The following TBL1XR1 variants were observed in gnomAD, a reference collection of about 807,000 sequenced individuals.
TBL1XR1 encodes the protein F-box-like/WD repeat-containing protein TBL1XR1.
A neutral mutation model predicts 66.9 loss-of-function variants in TBL1XR1; 5 were observed. The observed-to-expected ratio is 0.07, with a 90% CI of 0.04 to 0.16. The LOEUF (loss-of-function observed/expected upper bound fraction) is 0.16. Ranked by LOEUF, TBL1XR1 falls within the 10% of genes least tolerant of loss-of-function variation. TBL1XR1 has a pLI of 1.00. For synonymous variants in TBL1XR1, 210 were observed against 206.0 expected, an observed-to-expected ratio of 1.02 and a Z score of -0.17; for missense variants, 238 against 623.2, an observed-to-expected ratio of 0.38 and a Z score of 6.58.
chr3:177,050,114 T>G lies in TBL1XR1; in HGVS notation c.585A>C (p.Ile195=). Residue 195 remains isoleucine, a synonymous_variant, in exon 7 of 16, where the codon ATA becomes ATC. Transcript: ENST00000457928. Reference sequence around the variant, plus strand: ...TGGTGCTGTTCTCACTAAGATTCCATATTCTTGCTGTTGAGTCTCCAGACC... The same window carrying G: ...TGGTGCTGTTCTCACTAAGATTCCAGATTCTTGCTGTTGAGTCTCCAGACC... ...ASGSGDSTAR[I]WNLSENSTSG... is the part of the protein sequence containing the mutation. 5 of 1,613,626 alleles carry G rather than the reference T, an allele frequency of 3.1e-6. No individual in the cohort carries two copies. Among genetic ancestry groups the G allele is most frequent in the Non-Finnish European group, 4.2e-6 (5 of 1,179,786 alleles).
Position 177,048,116 on chromosome 3 carries a change from G to A in TBL1XR1, c.703-567C>T, listed in dbSNP as rs528281773. Among the ~76,000 whole-genome samples the A allele has an allele frequency of 2.6e-5, 4 of 152,088 alleles. No homozygotes were observed. In the South Asian group the frequency reaches 8.3e-4, roughly 32 times the overall value. On this transcript the variant is annotated intron_variant, in intron 7 of 15. Transcript: ENST00000457928. ...ACTATGAAATATTTGCCAATAAAAA[G>A]ATCAACAAGGAAAAGAGCCAGAAAA...
At chr3:177,177,886 A>G (rs1320825653) in intron 1 of TBL1XR1, among the ~76,000 whole-genome samples, 2 of 152,118 alleles carry the variant, frequency 1.3e-5, no homozygotes, top group Admixed American at 6.6e-5. Flanking sequence ...AAAAAAAAAA[A>G]CAATGATCAA....
intron 1 of TBL1XR1, among the ~76,000 whole-genome samples, chr3:177,184,953 C>T (rs1735232721): frequency 6.6e-6 from 1 of 152,170 alleles, no homozygotes; most frequent in Non-Finnish European, 1.5e-5. Context: ...AGTTACAGCT[C>T]TTTAAGAACT....
intron 1 of TBL1XR1, among the ~76,000 whole-genome samples, chr3:177,144,593 GA>G (rs1208692791): frequency 5.5e-5 from 8 of 146,652 alleles, no homozygotes; most frequent in Admixed American, 1.4e-4. Flanking sequence ...CTCTACTTTA[GA>G]AAAAAAAAAA....
intron 1 of TBL1XR1, among the ~76,000 whole-genome samples, chr3:177,130,141 T>C (rs1387731732): frequency 3.2e-5 from 2 of 62,842 alleles, no homozygotes; most frequent in Admixed American, 3.5e-4. Flanking sequence ...TGAGACTCCA[T>C]CTCAAAAAAA....
At chr3:177,177,275 C>T (rs899803185) in intron 1 of TBL1XR1, among the ~76,000 whole-genome samples, 1 of 152,026 alleles carries the variant, frequency 6.6e-6, no homozygotes, top group African/African-American at 2.4e-5. Flanking sequence ...CACGGTGAAA[C>T]CCCATCTCTA....
chr3:177,059,023 T>G (rs958574512), intron 3 of TBL1XR1, among the ~76,000 whole-genome samples: 1 of 152,238 alleles, frequency 6.6e-6, no homozygotes, highest in Non-Finnish European at 1.5e-5. Context: ...ATCAAGGTTA[T>G]TCTGTATTTC....
intron 2 of TBL1XR1, among the ~76,000 whole-genome samples, chr3:177,077,772 T>C (rs1004541994): frequency 1.3e-5 from 2 of 152,254 alleles, no homozygotes; most frequent in Non-Finnish European, 2.9e-5. Context: ...CTCTTTATGA[T>C]ACCTATTCAA....
At chr3:177,122,291 A>C (rs1227400403) in intron 1 of TBL1XR1, among the ~76,000 whole-genome samples, 2 of 93,940 alleles carry the variant, frequency 2.1e-5, no homozygotes, top group Admixed American at 1.2e-4. Context: ...AGACAGATAA[A>C]AAAAAAAAAA....
rs546406459 is a variant in TBL1XR1 at position 177,019,953 on chromosome 3, G to A, written c.*5545C>T. On this transcript the variant is annotated 3_prime_UTR_variant, in exon 16 of 16. Transcript: ENST00000457928. Reference sequence around the variant, plus strand: ...TATTTCTGTTTAAGGAAATAAACAGGAAAAATAGAAGACCTAGAGAGTGTA... The same window carrying A: ...TATTTCTGTTTAAGGAAATAAACAGAAAAAATAGAAGACCTAGAGAGTGTA... 5.6e-5 allele frequency: 8 copies of A among 143,780 alleles called. No individual in the cohort carries two copies. Among genetic ancestry groups the A allele is most frequent in the South Asian group, 2.2e-4 (1 of 4,516 alleles). The allele number at this position is 143,780 out of a possible 1,614,324, so 8.9% of individuals were successfully genotyped here.
In TBL1XR1 at chr3:177,019,544, CA is replaced by C. The variant is rs1319524071; in HGVS notation, c.*5953del. On this transcript the variant is annotated 3_prime_UTR_variant, in exon 16 of 16. Transcript: ENST00000457928. ...TTGATGACAAAGCACTTTGGTACAG[CA>C]GAGAAAAGCACCATAAAACTACCAT... 2.0e-5 allele frequency: 3 copies of C among 152,100 alleles called. No homozygotes were observed. Among genetic ancestry groups the C allele is most frequent in the Admixed American group, 2.0e-4 (3 of 15,262 alleles). The allele number at this position is 152,100 out of a possible 1,614,324, so 9.4% of individuals were successfully genotyped here.
Position 177,158,224 on chromosome 3 carries a change from CTTTTCTT to C in TBL1XR1, c.-122+38890_-122+38896del, listed in dbSNP as rs777817340. The stretch of plus-strand genomic sequence containing the variant: ...TCCACTGTAAATATAGGATTTGTTT[CTTTTCTT>C]TTTTTTTTTTTTTTTTAAGACAGTC... On this transcript the variant is annotated intron_variant, in intron 1 of 15. Transcript: ENST00000457928. 1.6e-3 allele frequency among the ~76,000 whole-genome samples: 226 copies of C among 139,686 alleles called. 7 individuals carry two copies. The highest frequency in any genetic ancestry group is 1.7e-3 in the Admixed American group (25 of 14,356). The allele number at this position is 139,686 out of a possible 152,430, so 91.6% of individuals were successfully genotyped here.
intron 1 of TBL1XR1, among the ~76,000 whole-genome samples, chr3:177,098,774 C>CA (rs1401433525): frequency 6.6e-6 from 1 of 152,090 alleles, no homozygotes; most frequent in African/African-American, 2.4e-5. Flanking sequence ...AAATGAGACT[C>CA]AAAGAGATTC....
At chr3:177,076,131 G>A (rs1315315155) in intron 2 of TBL1XR1, among the ~76,000 whole-genome samples, 1 of 152,190 alleles carries the variant, frequency 6.6e-6, no homozygotes, top group East Asian at 1.9e-4. Flanking sequence ...TCCTCATACT[G>A]TTTAAGGAGC....
At chr3:177,054,321 TG>T (rs2108506030) in intron 3 of TBL1XR1, among the ~76,000 whole-genome samples, 1 of 152,308 alleles carries the variant, frequency 6.6e-6, no homozygotes, top group Admixed American at 6.5e-5. Flanking sequence ...TTAATATTTC[TG>T]TATTATATTT....
intron 2 of TBL1XR1, among the ~76,000 whole-genome samples, chr3:177,075,789 G>C (rs979718830): frequency 5.9e-5 from 9 of 152,228 alleles, no homozygotes; most frequent in Admixed American, 5.9e-4. Flanking sequence ...AAATTAGCGT[G>C]ACAATAAAGT....
At chr3:177,053,642 G>T in intron 4 of TBL1XR1, 131 bp downstream of exon 4, 1 of 841,182 alleles carries the variant, frequency 1.2e-6, no homozygotes, top group Non-Finnish European at 1.9e-6. Context: ...TACCACATTA[G>T]GGATGAACTG....
At chr3:177,061,344 A>G (rs1456384849) in intron 3 of TBL1XR1, among the ~76,000 whole-genome samples, 5 of 152,234 alleles carry the variant, frequency 3.3e-5, no homozygotes, top group Non-Finnish European at 5.9e-5. Flanking sequence ...ATTTAAGCCT[A>G]AAACAATTTA....
chr3:177,155,221 A>G (rs1731350672), intron 1 of TBL1XR1, among the ~76,000 whole-genome samples: 1 of 152,342 alleles, frequency 6.6e-6, no homozygotes, highest in South Asian at 2.1e-4. Context: ...GCTAATATCA[A>G]TGCAACAGAA....
Sources: allele counts gnomAD v4.1 joint callset (sites outside exome capture counted in the v4.1 genomes callset), GRCh38; gene constraint gnomAD v4.1.1; transcripts MANE v1.5; gene names NCBI Gene and HGNC (gene_info 2026-07-23, HGNC 2026-07-21).